The following COL6A5 variants were observed in gnomAD, a reference collection of about 807,000 sequenced individuals.
COL6A5 encodes collagen type VI alpha 5 chain.
In COL6A5, 48 loss-of-function variants were observed where a neutral mutation model predicts 65.6. That is an observed-to-expected ratio of 0.73 (90% confidence interval 0.58 to 0.93). COL6A5 has a LOEUF of 0.93. Ranked by LOEUF, COL6A5 falls within the 40% of genes least tolerant of loss-of-function variation. The probability of loss-of-function intolerance (pLI) is 0.00; values close to 1 mark genes in which losing one functional copy is unlikely to be tolerated. For synonymous variants in COL6A5, 291 were observed against 322.8 expected (o/e 0.90, Z 1.05); for missense variants, 914 against 928.3 (o/e 0.98, Z 0.20).
At position 130,424,823 on chromosome 3, in the gene COL6A5, G is replaced by A. The variant is rs149614341; in HGVS notation, c.5163+923G>A. On this transcript the variant is annotated intron_variant and NMD_transcript_variant, in intron 29 of 41. Transcript: ENST00000312481. ...TGTAGTCTCTGGGCCAATCTGGTCT[G>A]TTCTGGATTTATCTCCTCAGATTCT... Among the ~76,000 whole-genome samples, 174 of 152,220 alleles carry A rather than the reference G, an allele frequency of 1.1e-3. 1 individual carries two copies. The highest frequency in any genetic ancestry group is 4.0e-3 in the African/African-American group (168 of 41,564).
chr3:130,439,524 T>G (rs1429064561), exon 2 of COL6A5: 1 of 1,549,358 alleles, frequency 6.5e-7, no homozygotes, highest in Non-Finnish European at 8.7e-7. Context: ...CAATGCAGTT[T>G]GACAACACTG....
At chr3:130,399,668 G>A (rs1316451656) in intron 10 of COL6A5, among the ~76,000 whole-genome samples, 1 of 151,602 alleles carries the variant, frequency 6.6e-6, no homozygotes, top group Non-Finnish European at 1.5e-5. Context: ...ACTGCACCTG[G>A]CCAACTCATT....
chr3:130,374,010 C>G (rs1322652705), intron 2 of COL6A5, among the ~76,000 whole-genome samples: 1 of 152,122 alleles, frequency 6.6e-6, no homozygotes. Flanking sequence ...GAATCTTGAT[C>G]TCATAAATGA....
chr3:130,418,762 C>A, intron 24 of COL6A5, 107 bp from the exon 25 acceptor site: 1 of 807,408 alleles, frequency 1.2e-6, no homozygotes, highest in Non-Finnish European at 2.1e-6. Context: ...TGAGCACTGA[C>A]CCCTCACTGA....
At chr3:130,403,909 G>C (rs973639081) in intron 13 of COL6A5, among the ~76,000 whole-genome samples, 2 of 152,152 alleles carry the variant, frequency 1.3e-5, no homozygotes, top group Non-Finnish European at 2.9e-5. Context: ...TTGTCTGAAT[G>C]ATGAGGCAGT....
chr3:130,480,564 ACT>A (rs1178019782), intron 7 of COL6A5, among the ~76,000 whole-genome samples: 1 of 152,078 alleles, frequency 6.6e-6, no homozygotes, highest in Non-Finnish European at 1.5e-5. Context: ...ATAATGGTGG[ACT>A]CTGTTGGATA....
At position 130,384,942 on chromosome 3, in the gene COL6A5, G is replaced by A. The variant is rs1373613243; in HGVS notation, c.1439G>A (p.Arg480Gln). ...TTTAGCATTGGCCCAGACAAAGTCC[G>A]AGTTGGAGTTGTGCAGTATTCAGAT... The change falls in exon 5 of 42, where the codon CGA (arginine) becomes CAA (glutamine). Residue 480 changes from arginine (R) to glutamine (Q), a missense_variant and NMD_transcript_variant. Coordinates refer to the COL6A5 transcript ENST00000312481. 9.0e-6 allele frequency: 14 copies of A among 1,550,860 alleles called. No individual in the cohort carries two copies. Among genetic ancestry groups the A allele is most frequent in the African/African-American group, 1.4e-5 (1 of 72,984 alleles).
At chr3:130,399,592 G>C in intron 10 of COL6A5, among the ~76,000 whole-genome samples, 1 of 151,602 alleles carries the variant, frequency 6.6e-6, no homozygotes, top group African/African-American at 2.4e-5. Flanking sequence ...AGGATGGCCT[G>C]GATCTCCTGA....
Position 130,418,855 on chromosome 3 carries a change from G to T in COL6A5, c.4888-14G>T. 6.5e-7 allele frequency: 1 copy of T among 1,548,976 alleles called. No individual in the cohort carries two copies. The highest frequency in any genetic ancestry group is 8.7e-7 in the Non-Finnish European group (1 of 1,144,792). ...ATTTTACTGATCTGAAGCTCTTCTT[G>T]TCCCACTTACTAGGGAGAGCCTGGA... On this transcript the variant is annotated splice_polypyrimidine_tract_variant and intron_variant and NMD_transcript_variant, in intron 24 of 41. Coordinates refer to the COL6A5 transcript ENST00000312481.
rs1577474101 is a variant in COL6A5, at chr3:130,403,803, A to G, written c.4281+141A>G. 1.7e-5 allele frequency: 9 copies of G among 529,434 alleles called. No individual in the cohort carries two copies. In the South Asian group the frequency reaches 5.1e-4, roughly 30 times the overall value. The allele number at this position is 529,434 out of a possible 1,614,324, so 32.8% of individuals were successfully genotyped here. A position where few individuals can be genotyped will look rare whatever the true frequency, so the allele number is the denominator to read the frequency against. On this transcript the variant is annotated intron_variant and NMD_transcript_variant, in intron 13 of 41. Transcript: ENST00000312481. Reference sequence around the variant, plus strand: ...AAGGGGTAGATGGGGTTTTGTTTATATGTTTATTTTTATATGTTGATATGT... The same window carrying G: ...AAGGGGTAGATGGGGTTTTGTTTATGTGTTTATTTTTATATGTTGATATGT...
intron 1 of COL6A5, among the ~76,000 whole-genome samples, chr3:130,369,014 T>C (rs1935454997): frequency 6.6e-6 from 1 of 152,176 alleles, no homozygotes; most frequent in South Asian, 2.1e-4. Context: ...CCTTATCAAC[T>C]GGAGACTGTG....
intron 5 of COL6A5, among the ~76,000 whole-genome samples, chr3:130,468,549 G>A (rs1482163762): frequency 1.3e-5 from 2 of 152,052 alleles, no homozygotes; most frequent in African/African-American, 4.8e-5. Flanking sequence ...AAAGATCTGA[G>A]ATAGGATAGC....
chr3:130,411,353 GA>G (rs971868631), intron 20 of COL6A5, among the ~76,000 whole-genome samples: 6 of 152,196 alleles, frequency 3.9e-5, no homozygotes, highest in Non-Finnish European at 7.3e-5. Context: ...TTTTGTTCAA[GA>G]AGGAATTGAA....
intron 7 of COL6A5, among the ~76,000 whole-genome samples, chr3:130,473,057 T>A (rs1051491421): frequency 1.3e-5 from 2 of 150,636 alleles, no homozygotes; most frequent in Non-Finnish European, 3.0e-5. Context: ...AGAGAGAAGA[T>A]AGATATAATA....
exon 1 of COL6A5, chr3:130,431,573 A>C (rs1038271506): frequency 6.4e-7 from 1 of 1,551,634 alleles, no homozygotes; most frequent in Non-Finnish European, 8.7e-7. Flanking sequence ...TCCATTGTCA[A>C]TGACCTTAAC....
At chr3:130,373,133 T>C (rs1287661179) in intron 1 of COL6A5, among the ~76,000 whole-genome samples, 1 of 152,176 alleles carries the variant, frequency 6.6e-6, no homozygotes, top group Non-Finnish European at 1.5e-5. Flanking sequence ...ATTATAAACA[T>C]ATACGATAGT....
chr3:130,414,958 C>A (rs35694754), intron 22 of COL6A5, among the ~76,000 whole-genome samples: 17,467 of 152,048 alleles, frequency 0.11, 1,071 homozygotes, highest in Middle Eastern at 0.14. Flanking sequence ...CAGCCTAGAT[C>A]CATTCCCAGG....
intron 1 of COL6A5, among the ~76,000 whole-genome samples, chr3:130,348,846 T>G (rs1046631700): frequency 6.6e-6 from 1 of 152,224 alleles, no homozygotes; most frequent in Admixed American, 6.5e-5. Context: ...CTCATTGTGG[T>G]TTTGATTTGC....
At chr3:130,377,758 A>G (rs1209621006) in intron 3 of COL6A5, among the ~76,000 whole-genome samples, 1 of 152,172 alleles carries the variant, frequency 6.6e-6, no homozygotes, top group Admixed American at 6.5e-5. Context: ...TGAGGATAAT[A>G]GTGTCTATCA....
Sources: gnomAD v4.1 joint callset for allele counts (sites outside exome capture counted in the v4.1 genomes callset) on GRCh38, gnomAD v4.1.1 for gene constraint, MANE v1.5 for transcripts, NCBI Gene and HGNC (gene_info 2026-07-23, HGNC 2026-07-21) for gene names.